The following PTPRD variants were observed in gnomAD, a reference collection of about 807,000 sequenced individuals.
PTPRD encodes protein tyrosine phosphatase receptor type D, also known as receptor-type tyrosine-protein phosphatase delta.
Under a neutral mutation model 214.5 loss-of-function variants are expected in PTPRD, and 34 were observed. The ratio of observed to expected loss-of-function variants is 0.16; its 90% CI spans 0.12 to 0.21. The LOEUF (loss-of-function observed/expected upper bound fraction) is 0.21, where lower values mean the gene tolerates loss of function less well. PTPRD is among the 10% of genes least tolerant of loss of function. The pLI is 1.00. For synonymous variants in PTPRD, 1,128 were observed against 845.7 expected (o/e 1.33, Z -5.79); for missense variants, 2,545 against 2,398.7 (o/e 1.06, Z -1.27).
At chr9:9,079,251 A>G (rs2099755599) in intron 10 of PTPRD, among the ~76,000 whole-genome samples, 3 of 151,798 alleles carry the variant, frequency 2.0e-5, no homozygotes, top group Non-Finnish European at 2.9e-5. Flanking sequence ...TCTACTGTTT[A>G]CTTACATTAG....
intron 7 of PTPRD, among the ~76,000 whole-genome samples, chr9:9,621,660 AAAG>A (rs2095244320): frequency 6.6e-6 from 1 of 152,308 alleles, no homozygotes; most frequent in Middle Eastern, 3.4e-3. Flanking sequence ...ACCCTTTGAA[AAAG>A]AAGACTATAA....
chr9:9,701,701 T>A (rs1054666629), intron 7 of PTPRD, among the ~76,000 whole-genome samples: 1 of 152,140 alleles, frequency 6.6e-6, no homozygotes, highest in Non-Finnish European at 1.5e-5. Context: ...AAAGTTGAAT[T>A]CAACCAAAAA....
intron 14 of PTPRD, among the ~76,000 whole-genome samples, chr9:8,581,678 C>G (rs2093124473): frequency 6.6e-6 from 1 of 151,462 alleles, no homozygotes; most frequent in African/African-American, 2.4e-5. Context: ...AACCCAGAGG[C>G]AAAGCTTGCA....
intron 11 of PTPRD, among the ~76,000 whole-genome samples, chr9:9,003,527 A>T (rs1372392057): frequency 6.6e-6 from 1 of 152,054 alleles, no homozygotes; most frequent in Non-Finnish European, 1.5e-5. Flanking sequence ...TGACTGGTCT[A>T]TGATGGTGAT....
rs1257206401 is a variant in PTPRD at position 8,315,231 on chromosome 9, A to G, written c.*2643T>C. On this transcript the variant is annotated 3_prime_UTR_variant, in exon 46 of 46. Transcript: ENST00000381196. ...TTAGTTCTAGGAACAGCTCCTGAAC[A>G]GTAAGATTCCCGCAATAGTCTCCGC... The G allele has an allele frequency of 4.3e-6, 1 of 232,672 alleles. No homozygotes were observed. The highest frequency in any genetic ancestry group is 2.2e-5 in the African/African-American group (1 of 45,280). 14.4% of individuals were successfully genotyped at this position (232,672 alleles called of 1,614,324 possible).
intron 4 of PTPRD, among the ~76,000 whole-genome samples, chr9:10,018,155 G>C (rs565667765): frequency 2.6e-5 from 4 of 151,070 alleles, no homozygotes; most frequent in Admixed American, 1.3e-4. Flanking sequence ...GATCTGATGA[G>C]AAAGAGGAAG....
chr9:10,140,084 T>TTGATG (rs2098972709), intron 3 of PTPRD, among the ~76,000 whole-genome samples: 1 of 152,008 alleles, frequency 6.6e-6, no homozygotes, highest in African/African-American at 2.4e-5. Flanking sequence ...AGAGTTTCTC[T>TTGATG]TGATGTGAAG....
intron 14 of PTPRD, among the ~76,000 whole-genome samples, chr9:8,593,183 G>A (rs1434085705): frequency 4.6e-5 from 7 of 152,174 alleles, no homozygotes; most frequent in African/African-American, 1.7e-4. Context: ...TCAACTGAAA[G>A]CATTTGATTG....
At chr9:10,264,749 C>T (rs1020237138) in intron 3 of PTPRD, among the ~76,000 whole-genome samples, 4 of 152,074 alleles carry the variant, frequency 2.6e-5, no homozygotes, top group Admixed American at 1.3e-4. Flanking sequence ...TCTGAGGACA[C>T]GAGATTTGGG....
intron 9 of PTPRD, among the ~76,000 whole-genome samples, chr9:9,312,779 T>A (rs945782140): frequency 1.3e-5 from 2 of 152,192 alleles, no homozygotes; most frequent in African/African-American, 4.8e-5. Context: ...TGTCAAATAA[T>A]TCATAAAGTA....
At chr9:9,909,458 A>T (rs1006306426) in intron 5 of PTPRD, among the ~76,000 whole-genome samples, 1 of 123,552 alleles carries the variant, frequency 8.1e-6, no homozygotes, top group African/African-American at 3.4e-5. Context: ...TAAAAATGAC[A>T]GTTGAAAAAA....
At chr9:10,484,875 T>C (rs1237878257) in intron 2 of PTPRD, among the ~76,000 whole-genome samples, 1 of 152,064 alleles carries the variant, frequency 6.6e-6, no homozygotes, top group Non-Finnish European at 1.5e-5. Flanking sequence ...TGTGATTCAA[T>C]GTGTCCACTT....
intron 11 of PTPRD, among the ~76,000 whole-genome samples, chr9:9,003,088 C>T (rs1423280947): frequency 6.6e-6 from 1 of 152,024 alleles, no homozygotes; most frequent in Admixed American, 6.6e-5. Context: ...TCGCCCCTTT[C>T]AGAATACGTT....
chr9:10,414,741 T>C (rs1162415610), intron 2 of PTPRD, among the ~76,000 whole-genome samples: 1 of 151,904 alleles, frequency 6.6e-6, no homozygotes, highest in African/African-American at 2.4e-5. Context: ...ACATACACCA[T>C]GGAATACTAT....
chr9:9,846,081 T>A (rs1409775207), intron 5 of PTPRD, among the ~76,000 whole-genome samples: 5 of 152,134 alleles, frequency 3.3e-5, no homozygotes, highest in African/African-American at 4.8e-5. Context: ...GGAAAGTAAC[T>A]TTCTATTTTT....
At chr9:8,368,291 G>A in intron 39 of PTPRD, among the ~76,000 whole-genome samples, 1 of 152,150 alleles carries the variant, frequency 6.6e-6, no homozygotes, top group East Asian at 1.9e-4. Flanking sequence ...AGTGAGGAAA[G>A]TAATAATGCA....
intron 10 of PTPRD, among the ~76,000 whole-genome samples, chr9:9,064,512 G>C (rs2154403468): frequency 6.6e-6 from 1 of 152,230 alleles, no homozygotes; most frequent in Non-Finnish European, 1.5e-5. Context: ...CATGGCACCT[G>C]GACCAAACAT....
intron 2 of PTPRD, among the ~76,000 whole-genome samples, chr9:10,481,909 T>C (rs1396777802): frequency 6.6e-6 from 1 of 152,114 alleles, no homozygotes; most frequent in Non-Finnish European, 1.5e-5. Flanking sequence ...AAATTAAGTG[T>C]AAAATATAAG....
chr9:10,219,758 C>T (rs1054788606), intron 3 of PTPRD, among the ~76,000 whole-genome samples: 25 of 151,692 alleles, frequency 1.6e-4, no homozygotes, highest in African/African-American at 6.1e-4. Context: ...ATCCTTACCA[C>T]ATTGTTTAAA....
Sources: gnomAD v4.1 joint callset for allele counts (sites outside exome capture counted in the v4.1 genomes callset) on GRCh38, gnomAD v4.1.1 for gene constraint, MANE v1.5 for transcripts, NCBI Gene and HGNC (gene_info 2026-07-23, HGNC 2026-07-21) for gene names.